The following LAMC1 variants were observed in gnomAD, a reference collection of about 807,000 sequenced individuals.
LAMC1 encodes laminin subunit gamma 1.
In LAMC1, 38 loss-of-function variants were observed where a neutral mutation model predicts 173.6. The ratio of observed to expected loss-of-function variants is 0.22; its 90% CI spans 0.17 to 0.29. The LOEUF (loss-of-function observed/expected upper bound fraction) is 0.29. LAMC1 is among the 10% of genes least tolerant of loss of function. The probability of loss-of-function intolerance (pLI) is 1.00; values close to 1 mark genes in which losing one functional copy is unlikely to be tolerated. For missense variants in LAMC1, 1,824 were observed against 2,051.8 expected (o/e 0.89, Z 2.14); for synonymous variants, 746 against 749.1 (o/e 1.00, Z 0.07).
intron 1 of LAMC1, among the ~76,000 whole-genome samples, chr1:183,033,541 C>T (rs1653900055): frequency 6.6e-6 from 1 of 152,178 alleles, no homozygotes; most frequent in African/African-American, 2.4e-5. Flanking sequence ...TATTTAATTT[C>T]CATGGTGAAA....
chr1:183,024,331 TGTTCCGCAC>T (rs113407899), intron 1 of LAMC1, among the ~76,000 whole-genome samples, 197 bp downstream of exon 1: 3,419 of 152,370 alleles, frequency 0.022, 65 homozygotes, highest in South Asian at 0.079. Flanking sequence ...AGGGCCAGGA[TGTTCCGCAC>T]GAGTCTCTCT....
At chr1:183,077,587 A>G (rs779227335) in intron 1 of LAMC1, among the ~76,000 whole-genome samples, 80 of 151,670 alleles carry the variant, frequency 5.3e-4, no homozygotes, top group South Asian at 4.2e-3. Flanking sequence ...CTCAAAGTCT[A>G]TTGTATCTTT....
At chr1:183,038,858 G>A (rs920682766) in intron 1 of LAMC1, among the ~76,000 whole-genome samples, 3 of 152,020 alleles carry the variant, frequency 2.0e-5, no homozygotes, top group African/African-American at 4.8e-5. Flanking sequence ...AGAGACATCC[G>A]TGGACTCTGA....
chr1:183,140,294 A>T, intron 26 of LAMC1, 110 bp from the exon 27 acceptor site: 2 of 317,724 alleles, frequency 6.3e-6, no homozygotes. Context: ...TTCCTAAGTT[A>T]GAAAAGGGAA....
At chr1:183,040,512 A>G (rs1189862108) in intron 1 of LAMC1, among the ~76,000 whole-genome samples, 1 of 152,224 alleles carries the variant, frequency 6.6e-6, no homozygotes, top group Non-Finnish European at 1.5e-5. Flanking sequence ...AACTTGTTCC[A>G]TTTTTTAAAA....
chr1:183,052,545 G>C (rs1267876518), intron 1 of LAMC1, among the ~76,000 whole-genome samples: 2 of 152,092 alleles, frequency 1.3e-5, no homozygotes, highest in Non-Finnish European at 2.9e-5. Context: ...TGTTGGCCAG[G>C]CTGGTCTCTT....
intron 1 of LAMC1, among the ~76,000 whole-genome samples, chr1:183,080,217 C>T (rs989139545): frequency 6.6e-6 from 1 of 152,120 alleles, no homozygotes; most frequent in Admixed American, 6.5e-5. Context: ...GCACTTTAGC[C>T]TGGGTAACAC....
intron 26 of LAMC1, among the ~76,000 whole-genome samples, chr1:183,139,252 G>A (rs1295805946): frequency 2.0e-5 from 3 of 152,132 alleles, no homozygotes; most frequent in Non-Finnish European, 4.4e-5. Flanking sequence ...TAACTTCTAA[G>A]GAAACAAACC....
At chr1:183,070,357 G>A (rs1453114893) in intron 1 of LAMC1, among the ~76,000 whole-genome samples, 1 of 152,150 alleles carries the variant, frequency 6.6e-6, no homozygotes, top group African/African-American at 2.4e-5. Context: ...TGGGGGTTCA[G>A]AGCTGAACCT....
intron 1 of LAMC1, among the ~76,000 whole-genome samples, chr1:183,053,810 G>C (rs993400142): frequency 6.6e-6 from 1 of 152,046 alleles, no homozygotes; most frequent in Non-Finnish European, 1.5e-5. Context: ...TATTTTAGTA[G>C]AGACGGGGTT....
At chr1:183,131,409 G>A (rs1379052032) in intron 20 of LAMC1, 31 bp downstream of exon 20, 4 of 1,412,966 alleles carry the variant, frequency 2.8e-6, no homozygotes, top group East Asian at 4.9e-5. Flanking sequence ...TAATGGTTAA[G>A]TTGTGGCTTC....
intron 1 of LAMC1, among the ~76,000 whole-genome samples, chr1:183,067,159 A>G (rs1051877152): frequency 6.6e-6 from 1 of 152,130 alleles, no homozygotes; most frequent in Non-Finnish European, 1.5e-5. Flanking sequence ...TTTTCTAGAA[A>G]AGCTTTAAAG....
rs545497749 is a variant in LAMC1 at position 183,024,329 on chromosome 1, G to A, written c.418+195G>A. Reference sequence around the variant, plus strand: ...GCTTTTAACATCCCGTGAGGGCCAGGATGTTCCGCACGAGTCTCTCTGCTT... The same window carrying A: ...GCTTTTAACATCCCGTGAGGGCCAGAATGTTCCGCACGAGTCTCTCTGCTT... On this transcript the variant is annotated intron_variant, in intron 1 of 27. Transcript: ENST00000258341. 3.9e-5 allele frequency among the ~76,000 whole-genome samples: 6 copies of A among 152,072 alleles called. No individual in the cohort carries two copies. The South Asian group carries it at 1.3e-3, about 32-fold the overall frequency.
intron 1 of LAMC1, among the ~76,000 whole-genome samples, chr1:183,059,715 A>G (rs1405679429): frequency 6.6e-6 from 1 of 152,208 alleles, no homozygotes; most frequent in African/African-American, 2.4e-5. Flanking sequence ...CAGAGGGGAC[A>G]CAAACGTGGA....
chr1:183,092,179 C>T (rs1313901682), intron 1 of LAMC1, among the ~76,000 whole-genome samples: 9 of 152,056 alleles, frequency 5.9e-5, no homozygotes, highest in Admixed American at 3.9e-4. Context: ...ACAGATGACA[C>T]GTGGAATAAA....
In LAMC1 at chr1:183,116,927, C is replaced by T. The variant is rs756257164; in HGVS notation, c.1564+24C>T. 8 of 1,588,902 alleles carry T rather than the reference C, an allele frequency of 5.0e-6. No individual in the cohort carries two copies. The South Asian group carries it at 9.2e-5, about 18-fold the overall frequency. ...TGGTAATTTAGACCTCATCCCCCAA[C>T]CTGTTAGAACTGTGAGATTACACTT... On this transcript the variant is annotated intron_variant, in intron 8 of 27. Transcript: ENST00000258341.
At chr1:183,069,398 A>G (rs1179726811) in intron 1 of LAMC1, among the ~76,000 whole-genome samples, 1 of 152,192 alleles carries the variant, frequency 6.6e-6, no homozygotes, top group Non-Finnish European at 1.5e-5. Context: ...CTTAATTATT[A>G]AAAAAATGTA....
rs774975336 is a variant in LAMC1, at chr1:183,125,391, C to T, written c.2648-6C>T. ...GTCTTTTGCCATCTCTGTCTTCCTG[C>T]CTTAGCCTGCAATTGCAATCTGTAT... On this transcript the variant is annotated splice_polypyrimidine_tract_variant and splice_region_variant and intron_variant, in intron 14 of 27. Coordinates refer to ENST00000258341, the MANE Select transcript of LAMC1 (RefSeq NM_002293.4). 3 of 1,613,808 alleles carry T rather than the reference C, an allele frequency of 1.9e-6. No homozygotes were observed. The South Asian group carries it at 3.3e-5, about 18-fold the overall frequency.
intron 1 of LAMC1, among the ~76,000 whole-genome samples, chr1:183,051,463 C>T (rs1021034749): frequency 7.9e-5 from 12 of 152,318 alleles, no homozygotes; most frequent in East Asian, 5.8e-4. Flanking sequence ...CAGTCAATAC[C>T]GTGTGGAGTA....
Sources: gnomAD v4.1 joint callset for allele counts (sites outside exome capture counted in the v4.1 genomes callset) on GRCh38, gnomAD v4.1.1 for gene constraint, MANE v1.5 for transcripts, NCBI Gene and HGNC (gene_info 2026-07-23, HGNC 2026-07-21) for gene names.